Variants in SLC29A4 observed in about 807,000 individuals in gnomAD.
SLC29A4 encodes the protein equilibrative nucleoside transporter 4.
In SLC29A4, 36 loss-of-function variants were observed where a neutral mutation model predicts 43.9. The observed-to-expected ratio is 0.82, with a 90% CI of 0.63 to 1.08. SLC29A4 has a LOEUF of 1.08. Ranked by LOEUF, SLC29A4 falls within the 50% of genes least tolerant of loss-of-function variation. The pLI is 0.00. For synonymous variants in SLC29A4, 491 were observed against 338.0 expected, an observed-to-expected ratio of 1.45 and a Z score of -4.97; for missense variants, 869 against 755.3, an observed-to-expected ratio of 1.15 and a Z score of -1.77.
Position 5,306,892 on chromosome 7 carries a change from ATAATTCCC to A in SLC29A4, c.*3954_*3961del, listed in dbSNP as rs1562464643. On this transcript the variant is annotated 3_prime_UTR_variant, in exon 11 of 11. Coordinates refer to ENST00000396872, the MANE Select transcript of SLC29A4 (RefSeq NM_153247.4). ...AAAAGAAACATAAAAAAAAAAACCA[ATAATTCCC>A]CCAAAAAACAAACCCAAAGTCTGGC... is the stretch of plus-strand genomic sequence containing the variant. 6.7e-5 allele frequency: 10 copies of A among 148,728 alleles called. No individual in the cohort carries two copies. Among genetic ancestry groups the A allele is most frequent in the African/African-American group, 2.6e-4 (10 of 38,618 alleles). The allele number at this position is 148,728 out of a possible 1,614,324, so 9.2% of individuals were successfully genotyped here.
In SLC29A4 at chr7:5,300,575, C is replaced by G. The variant is rs760756705; in HGVS notation, c.1363C>G (p.Leu455Val). The G allele has an allele frequency of 1.6e-5, 26 of 1,612,146 alleles. No individual in the cohort carries two copies. In the South Asian group the frequency reaches 2.9e-4, roughly 18 times the overall value. Residue 455 changes from leucine (L) to valine (V), a missense_variant, in exon 10 of 11, where the codon CTC (leucine) becomes GTC (valine). Leu to Val is a conservative substitution (Grantham distance 32). Coordinates refer to ENST00000396872, the MANE Select transcript of SLC29A4 (RefSeq NM_153247.4). The part of the protein sequence containing the change: ...HPAWPCIFSL[L>V]MGISNGYFGS... ...CGCCTGGCCCTGCATCTTCTCACTG[C>G]TCATGGGCATCAGCAACGGCTACTT...
chr7:5,293,144 A>G (rs1327474142), intron 5 of SLC29A4, among the ~76,000 whole-genome samples: 3 of 145,226 alleles, frequency 2.1e-5, no homozygotes, highest in Non-Finnish European at 4.5e-5. Flanking sequence ...CAGGCTTTGT[A>G]GACTTTCTTT....
intron 1 of SLC29A4, among the ~76,000 whole-genome samples, chr7:5,287,141 G>A (rs1379629104): frequency 2.0e-5 from 3 of 152,154 alleles, no homozygotes; most frequent in African/African-American, 7.2e-5. Context: ...GTGAGGGCTG[G>A]GCGCAGTGGC....
At position 5,282,943 on chromosome 7, in the gene SLC29A4, T is replaced by G. The variant is rs1160498019; in HGVS notation, c.-148T>G. 2 of 98,322 alleles carry G rather than the reference T, an allele frequency of 2.0e-5. No homozygotes were observed. Among genetic ancestry groups the G allele is most frequent in the Non-Finnish European group, 4.0e-5 (2 of 49,610 alleles). The allele number at this position is 98,322 out of a possible 1,614,324, so 6.1% of individuals were successfully genotyped here. ...AGAGGCGGGGCGTGGTGGCCTGGGC[T>G]GTGCTCGTCGCCGCGCTCGTGGACC... is the stretch of plus-strand genomic sequence containing the variant. On this transcript the variant is annotated 5_prime_UTR_variant, in exon 1 of 11. Coordinates refer to ENST00000396872, the MANE Select transcript of SLC29A4 (RefSeq NM_153247.4).
intron 9 of SLC29A4, among the ~76,000 whole-genome samples, chr7:5,299,672 C>T (rs60849802): frequency 0.18 from 27,450 of 152,140 alleles, 3,283 homozygotes; most frequent in East Asian, 0.54. Context: ...CTCACCCTCT[C>T]GCCTCACGAT....
rs1460915580 is a variant in SLC29A4, at chr7:5,304,356, A to C, written c.*1417A>C. ...AGGATGGCCACATGCAGCCCATTTG[A>C]AGGGGAAACAAAGTGGGCGGGGCTT... is the stretch of plus-strand genomic sequence containing the variant. On this transcript the variant is annotated 3_prime_UTR_variant, in exon 11 of 11. Transcript: ENST00000396872. 7.9e-6 allele frequency: 1 copy of C among 126,382 alleles called. No homozygotes were observed. The highest frequency in any genetic ancestry group is 9.5e-5 in the Admixed American group (1 of 10,572). 7.8% of individuals were successfully genotyped at this position (126,382 alleles called of 1,614,324 possible).
chr7:5,303,217 G>C lies in SLC29A4; in HGVS notation c.*278G>C. The C allele has an allele frequency of 1.9e-6, 1 of 528,068 alleles. No homozygotes were observed. Among genetic ancestry groups the C allele is most frequent in the Non-Finnish European group, 3.4e-6 (1 of 294,452 alleles). 32.7% of individuals were successfully genotyped at this position (528,068 alleles called of 1,614,324 possible). A position where few individuals can be genotyped will look rare whatever the true frequency, so the allele number is the denominator to read the frequency against. ...CGTCTACCTTCCATCTGTGTCCAGCGGCCCCGGCTCCAGCCCAGCCAGCAC... is the reference window on the plus strand; with the variant it reads ...CGTCTACCTTCCATCTGTGTCCAGCCGCCCCGGCTCCAGCCCAGCCAGCAC... On this transcript the variant is annotated 3_prime_UTR_variant, in exon 11 of 11. Coordinates refer to ENST00000396872, the MANE Select transcript of SLC29A4 (RefSeq NM_153247.4).
intron 1 of SLC29A4, among the ~76,000 whole-genome samples, chr7:5,283,541 G>C (rs1458051858): frequency 6.6e-6 from 1 of 152,166 alleles, no homozygotes; most frequent in Non-Finnish European, 1.5e-5. Context: ...CCAACTTTGC[G>C]GCTGATGAGG....
chr7:5,291,492 C>A (rs1171097389), intron 4 of SLC29A4, among the ~76,000 whole-genome samples: 1 of 152,238 alleles, frequency 6.6e-6, no homozygotes, highest in African/African-American at 2.4e-5. Flanking sequence ...ACGGCAACAT[C>A]CAGCTTCAAG....
rs73332823 is a variant in SLC29A4 at position 5,287,886 on chromosome 7, A to C, written c.70A>C (p.Met24Leu). 3.4e-3 allele frequency: 5,424 copies of C among 1,612,022 alleles called. 165 individuals are homozygous for C. The African/African-American group carries it at 0.064, about 19-fold the overall frequency. Residue 24 changes from methionine (M) to leucine (L), a missense_variant, in exon 2 of 11, where the codon ATG (methionine) becomes CTG (leucine). Physicochemically the swap from Met to Leu is conservative, Grantham distance 15. Transcript: ENST00000396872. The stretch of plus-strand genomic sequence containing the variant: ...AGGCACACCAGACCCGGGCGTAGTG[A>C]TGAGCTTCACCTTCGACAGTCACCA... ...VAGTPDPGVVMSFTFDSHQLE... is the reference protein window; with the variant it reads ...VAGTPDPGVVLSFTFDSHQLE...
intron 1 of SLC29A4, 102 bp from the exon 2 acceptor site, chr7:5,287,707 T>G: frequency 8.1e-7 from 1 of 1,227,034 alleles, no homozygotes; most frequent in South Asian, 1.5e-5. Flanking sequence ...GTGACCAAAG[T>G]GACATGTGTC....
chr7:5,290,481 G>A (rs1280743053), intron 2 of SLC29A4, among the ~76,000 whole-genome samples: 1 of 152,224 alleles, frequency 6.6e-6, no homozygotes, highest in Non-Finnish European at 1.5e-5. Flanking sequence ...ACAGACGTGA[G>A]CTGGTTTCCT....
intron 5 of SLC29A4, 79 bp from the exon 6 acceptor site, chr7:5,294,781 C>G: frequency 6.9e-7 from 1 of 1,456,052 alleles, no homozygotes; most frequent in African/African-American, 1.4e-5. Context: ...CGTCCACCAA[C>G]ACAGTTCTCT....
chr7:5,302,698 C>T lies in SLC29A4; in HGVS notation c.1451-99C>T, dbSNP rs1786253088. The T allele has an allele frequency of 2.4e-6, 3 of 1,246,112 alleles. No homozygotes were observed. The East Asian group carries it at 7.7e-5, about 32-fold the overall frequency. The allele number at this position is 1,246,112 out of a possible 1,614,324, so 77.2% of individuals were successfully genotyped here. ...GGGGCAGCGGGTCCTGGAGGGGCGG[C>T]ACGGTTCAGGCGGGTGTCACCGCAC... is the stretch of plus-strand genomic sequence containing the variant. On this transcript the variant is annotated intron_variant, in intron 10 of 10. Coordinates refer to ENST00000396872, the MANE Select transcript of SLC29A4 (RefSeq NM_153247.4).
At chr7:5,293,857 A>G (rs1785471283) in intron 5 of SLC29A4, among the ~76,000 whole-genome samples, 1 of 152,128 alleles carries the variant, frequency 6.6e-6, no homozygotes, top group Admixed American at 6.5e-5. Context: ...TTGTAATCCC[A>G]GCATTTTGGG....
rs367878795 is a variant in SLC29A4 at position 5,291,110 on chromosome 7, C to G, written c.302-14C>G. On this transcript the variant is annotated splice_polypyrimidine_tract_variant and intron_variant, in intron 3 of 10. Coordinates refer to ENST00000396872, the MANE Select transcript of SLC29A4 (RefSeq NM_153247.4). Reference sequence around the variant, plus strand: ...GGGCCTCCCTGAGCACCTGCTGTCTCTGGCCCTCTGCAGGGACCTCCATCG... The same window carrying G: ...GGGCCTCCCTGAGCACCTGCTGTCTGTGGCCCTCTGCAGGGACCTCCATCG... 3 of 1,612,942 alleles carry G rather than the reference C, an allele frequency of 1.9e-6. No homozygotes were observed. Among genetic ancestry groups the G allele is most frequent in the African/African-American group, 1.3e-5 (1 of 74,928 alleles).
rs1785322970 is a variant in SLC29A4, at chr7:5,291,711, G to C, written c.434G>C (p.Gly145Ala). The C allele has an allele frequency of 6.2e-7, 1 of 1,611,468 alleles. No homozygotes were observed. The highest frequency in any genetic ancestry group is 8.5e-7 in the Non-Finnish European group (1 of 1,179,628). The change falls in exon 5 of 11, where the codon GGC (glycine) becomes GCC (alanine). Residue 145 changes from glycine (G) to alanine (A), a missense_variant. Gly to Ala is a moderately conservative substitution (Grantham distance 60, BLOSUM62 0). Transcript: ENST00000396872. Reference sequence around the variant, plus strand: ...CCAACAGGCTACCTCTTAGCCTTGGGCCCTCTCCTTTTTATCAGCATCTGC... The same window carrying C: ...CCAACAGGCTACCTCTTAGCCTTGGCCCCTCTCCTTTTTATCAGCATCTGC... ...RITAGYLLAL[G>A]PLLFISICDV... is the part of the protein sequence containing the mutation.
chr7:5,289,512 G>C lies in SLC29A4; in HGVS notation c.170-1220G>C, dbSNP rs117053723. Among the ~76,000 whole-genome samples, 548 of 152,238 alleles carry C rather than the reference G, an allele frequency of 3.6e-3. 15 individuals carry two copies. The East Asian group carries it at 0.087, about 24-fold the overall frequency. On this transcript the variant is annotated intron_variant, in intron 2 of 10. Coordinates refer to ENST00000396872, the MANE Select transcript of SLC29A4 (RefSeq NM_153247.4). ...GGCAGGAGCTTCTTGGAGTCTCTGA[G>C]CTCCAGGAAGTCCCCAAGGTCTCAC... is the stretch of plus-strand genomic sequence containing the variant.
At chr7:5,298,499 G>A (rs1004012637) in intron 7 of SLC29A4, among the ~76,000 whole-genome samples, 13 of 152,122 alleles carry the variant, frequency 8.5e-5, no homozygotes, top group Non-Finnish European at 1.3e-4. Context: ...TGCATCAGAA[G>A]TGTGAGAGAG....
Sources: allele counts gnomAD v4.1 joint callset (sites outside exome capture counted in the v4.1 genomes callset), GRCh38; gene constraint gnomAD v4.1.1; transcripts MANE v1.5; gene names NCBI Gene and HGNC (gene_info 2026-07-23, HGNC 2026-07-21).